Variants in LAMB3 observed in about 807,000 individuals in gnomAD.
LAMB3 encodes the protein laminin subunit beta-3.
Under a neutral mutation model 140.3 loss-of-function variants are expected in LAMB3, and 104 were observed. The ratio of observed to expected loss-of-function variants is 0.74; its 90% CI spans 0.63 to 0.87. The LOEUF (loss-of-function observed/expected upper bound fraction) is 0.87. Ranked by LOEUF, LAMB3 falls within the 40% of genes least tolerant of loss-of-function variation. The pLI is 0.00. For missense variants in LAMB3, 1,531 were observed against 1,575.2 expected, an observed-to-expected ratio of 0.97 and a Z score of 0.47; for synonymous variants, 592 against 602.9, an observed-to-expected ratio of 0.98 and a Z score of 0.26.
chr1:209,622,408 G>C, intron 18 of LAMB3, 128 bp downstream of exon 18: 1 of 1,108,322 alleles, frequency 9.0e-7, no homozygotes, highest in Non-Finnish European at 1.4e-6. Flanking sequence ...TGGTGCCAAG[G>C]AGAAGTGGAG....
Position 209,623,854 on chromosome 1 carries a change from C to T in LAMB3, c.2123G>A (p.Ser708Asn). 6.2e-7 allele frequency: 1 copy of T among 1,614,234 alleles called. No homozygotes were observed. Among genetic ancestry groups the T allele is most frequent in the Non-Finnish European group, 8.5e-7 (1 of 1,180,036 alleles). ...RKREQFEKIS[S>N]ADPSGAFRML... The stretch of plus-strand genomic sequence containing the variant: ...CCTCTCCTCACCTGAAGGATCAGCA[C>T]TGCTTATTTTTTCAAACTGCTCCCT... Residue 708 changes from serine (S) to asparagine (N), a missense_variant, in exon 15 of 23, where the codon AGT becomes AAT. By Grantham distance (46) the Ser-to-Asn change is conservative. Transcript: ENST00000356082. The surrounding 1 kb of genome is among the most constrained non-coding windows in gnomAD (Gnocchi z 4.2).
At chr1:209,640,316 A>C (rs2076456727) in intron 3 of LAMB3, among the ~76,000 whole-genome samples, 1 of 152,196 alleles carries the variant, frequency 6.6e-6, no homozygotes, top group Non-Finnish European at 1.5e-5. Context: ...TTAGGAGGCC[A>C]AGGCAGGCAG....
rs1396907168 is a variant in LAMB3 at position 209,626,930 on chromosome 1, T to C, written c.1534A>G (p.Ser512Gly). 6.2e-7 allele frequency: 1 copy of C among 1,613,856 alleles called. No homozygotes were observed. Among genetic ancestry groups the C allele is most frequent in the East Asian group, 2.2e-5 (1 of 44,880 alleles). The change falls in exon 13 of 23, where the codon AGC (serine) becomes GGC (glycine). Residue 512 changes from serine to glycine, a missense_variant. Physicochemically the swap from Ser to Gly is moderately conservative, Grantham distance 56. Coordinates refer to ENST00000356082, the MANE Select transcript of LAMB3 (RefSeq NM_000228.3). Reference protein sequence around the residue: ...CREGFGGLMCSAAAIRQCPDR... With the variant: ...CREGFGGLMCGAAAIRQCPDR... ...GGACACTGGCGGATGGCTGCAGCGCTGCACATCAGGCCACCAAAGCCTTCC... is the reference window on the plus strand; with the variant it reads ...GGACACTGGCGGATGGCTGCAGCGCCGCACATCAGGCCACCAAAGCCTTCC...
intron 18 of LAMB3, among the ~76,000 whole-genome samples, chr1:209,620,962 C>T (rs1234824324): frequency 6.6e-6 from 1 of 152,182 alleles, no homozygotes; most frequent in Non-Finnish European, 1.5e-5. Context: ...CCAAGCCCAC[C>T]GCTACAGAAA....
At chr1:209,617,723 C>T in intron 20 of LAMB3, 137 bp from the exon 21 acceptor site, 1 of 1,241,228 alleles carries the variant, frequency 8.1e-7, no homozygotes, top group Non-Finnish European at 1.1e-6. Context: ...CCTCTCACCC[C>T]TCCTTCTGCA....
chr1:209,634,588 C>A lies in LAMB3; in HGVS notation c.423G>T (p.Lys141Asn), dbSNP rs1271953642. The change falls in exon 6 of 23, where the codon AAG (lysine) becomes AAT (asparagine). Residue 141 changes from lysine to asparagine, a missense_variant. By Grantham distance (94) the Lys-to-Asn change is moderately conservative. Transcript: ENST00000356082. Reference sequence around the variant, plus strand: ...CCAGGTACTGGTACACTCGCCAGGTCTTACCGAAGTCTGAGGAGCGCTCAA... The same window carrying A: ...CCAGGTACTGGTACACTCGCCAGGTATTACCGAAGTCTGAGGAGCGCTCAA... The part of the protein sequence containing the change: ...MLIERSSDFG[K>N]TWRVYQYLAA... 6.2e-7 allele frequency: 1 copy of A among 1,613,990 alleles called. No individual in the cohort carries two copies.
Position 209,623,681 on chromosome 1 carries a change from C to G in LAMB3, c.2182G>C (p.Ala728Pro). 1 of 1,614,160 alleles carries G rather than the reference C, an allele frequency of 6.2e-7. No homozygotes were observed. The highest frequency in any genetic ancestry group is 8.5e-7 in the Non-Finnish European group (1 of 1,180,018). Residue 728 changes from alanine (A) to proline (P), a missense_variant, in exon 16 of 23, where the codon GCT (alanine) becomes CCT (proline). Coordinates refer to ENST00000356082, the MANE Select transcript of LAMB3 (RefSeq NM_000228.3). This position sits in a 1 kb window ranked among gnomAD's most constrained non-coding sequence, Gnocchi z 4.2. ...GAGCTGTCGGAGACCTGCTGAGCAG[C>G]CTGGGCTGACTGCTCGTAGGCTGTG... is the stretch of plus-strand genomic sequence containing the variant. The part of the protein sequence containing the change: ...LSTAYEQSAQ[A>P]AQQVSDSSRL...
chr1:209,643,621 A>C lies in LAMB3; in HGVS notation c.184-4973T>G, dbSNP rs1035370824. On this transcript the variant is annotated intron_variant, in intron 3 of 22. Transcript: ENST00000356082. ...CCTGAATCATGGTGGAGATGGGTGG[A>C]AAAGGAGGGCACACACAACTAAAAA... Among the ~76,000 whole-genome samples the C allele has an allele frequency of 2.0e-5, 3 of 152,302 alleles. No homozygotes were observed. In the East Asian group the frequency reaches 5.8e-4, roughly 29 times the overall value.
At chr1:209,643,786 G>T (rs1327165848) in intron 3 of LAMB3, among the ~76,000 whole-genome samples, 2 of 150,874 alleles carry the variant, frequency 1.3e-5, no homozygotes, top group East Asian at 1.9e-4. Context: ...TCGGGTCATG[G>T]CCACCAGCCA....
Position 209,615,147 on chromosome 1 carries a change from G to A in LAMB3, c.*124C>T, listed in dbSNP as rs185362831. ...ATCTTACTAGCTACACACCAGGGGT[G>A]GTCCAGGCTGTACTTTAGGCTGCAT... On this transcript the variant is annotated 3_prime_UTR_variant, in exon 23 of 23. Coordinates refer to ENST00000356082, the MANE Select transcript of LAMB3 (RefSeq NM_000228.3). The A allele has an allele frequency of 2.6e-4, 320 of 1,219,968 alleles. 2 individuals carry two copies. The African/African-American group carries it at 4.4e-3, about 17-fold the overall frequency. The allele number at this position is 1,219,968 out of a possible 1,614,324, so 75.6% of individuals were successfully genotyped here. A position where few individuals can be genotyped will look rare whatever the true frequency, so the allele number is the denominator to read the frequency against.
At chr1:209,619,217 C>T (rs1000285068) in intron 18 of LAMB3, among the ~76,000 whole-genome samples, 1 of 152,248 alleles carries the variant, frequency 6.6e-6, no homozygotes, top group African/African-American at 2.4e-5. Context: ...GACTGTAGCA[C>T]ACCTTATCGT....
chr1:209,635,548 G>A (rs1481863334), intron 5 of LAMB3, among the ~76,000 whole-genome samples: 3 of 152,032 alleles, frequency 2.0e-5, no homozygotes, highest in East Asian at 1.9e-4. Flanking sequence ...AATTACAGGC[G>A]CACACCACCA....
chr1:209,623,141 T>C lies in LAMB3; in HGVS notation c.2397A>G (p.Ile799Met), dbSNP rs114544692. ...GNSRQMACTP[I>M]SCPGELCPQD... ...GGGGACATAGCTCACCAGGGCATGA[T>C]ATTGGGGTGCAAGCCATCTGCCTGG... Residue 799 changes from isoleucine (I) to methionine (M), a missense_variant, in exon 17 of 23, where the codon ATA becomes ATG. Transcript: ENST00000356082. This position sits in a 1 kb window ranked among gnomAD's most constrained non-coding sequence, Gnocchi z 4.2. 23 of 1,614,138 alleles carry C rather than the reference T, an allele frequency of 1.4e-5. No homozygotes were observed. Among genetic ancestry groups the C allele is most frequent in the Middle Eastern group, 3.3e-4 (2 of 6,062 alleles).
At chr1:209,629,954 T>C (rs1666619859) in intron 9 of LAMB3, 29 bp from the exon 10 acceptor site, 2 of 1,605,858 alleles carry the variant, frequency 1.2e-6, no homozygotes, top group Non-Finnish European at 1.7e-6. Context: ...AGGGCTGACA[T>C]CTGACCCACA....
chr1:209,634,185 G>A (rs1248503708), intron 6 of LAMB3, among the ~76,000 whole-genome samples: 1 of 152,270 alleles, frequency 6.6e-6, no homozygotes, highest in East Asian at 1.9e-4. Context: ...AGTCACGGGG[G>A]AGGGGGCTGT....
At chr1:209,650,390 C>A (rs114431017) in intron 2 of LAMB3, among the ~76,000 whole-genome samples, 1,791 of 152,284 alleles carry the variant, frequency 0.012, 15 homozygotes, top group Non-Finnish European at 0.018. Flanking sequence ...GCTTTTAGAA[C>A]CAGACTGGAG....
chr1:209,631,302 G>T (rs1666682737), intron 8 of LAMB3, among the ~76,000 whole-genome samples: 1 of 152,170 alleles, frequency 6.6e-6, no homozygotes, highest in African/African-American at 2.4e-5. Context: ...CCCATGTCCT[G>T]CTGACAGCAT....
chr1:209,622,465 G>C, intron 18 of LAMB3, 71 bp downstream of exon 18: 18 of 1,569,964 alleles, frequency 1.1e-5, no homozygotes, highest in Non-Finnish European at 1.5e-5. Context: ...GCTGGCTGAT[G>C]CACTGAACAT....
At chr1:209,629,514 A>G (rs1366255329) in intron 10 of LAMB3, among the ~76,000 whole-genome samples, 1 of 152,142 alleles carries the variant, frequency 6.6e-6, no homozygotes, top group East Asian at 1.9e-4. Context: ...CCCCAAATAA[A>G]GCCTAACTCT....
Sources: allele counts gnomAD v4.1 joint callset (sites outside exome capture counted in the v4.1 genomes callset), GRCh38; gene constraint gnomAD v4.1.1; non-coding constraint Gnocchi (gnomAD v3.1); transcripts MANE v1.5; gene names NCBI Gene and HGNC (gene_info 2026-07-23, HGNC 2026-07-21).